EZR: variants seen among roughly 807,000 people sequenced by gnomAD.
EZR encodes the protein cytovillin 2.
EZR carries 40 observed loss-of-function variants against 74.8 expected under a neutral mutation model. The ratio of observed to expected loss-of-function variants is 0.53; its 90% CI spans 0.42 to 0.70. The LOEUF is 0.70. Ranked by LOEUF, EZR falls within the 30% of genes least tolerant of loss-of-function variation. EZR has a pLI of 0.00. For synonymous variants in EZR, 341 were observed against 283.3 expected (o/e 1.20, Z -2.05); for missense variants, 678 against 755.8 (o/e 0.90, Z 1.21).
chr6:158,797,096 C>A (rs914207324), intron 2 of EZR, among the ~76,000 whole-genome samples: 1 of 152,092 alleles, frequency 6.6e-6, no homozygotes, highest in Admixed American at 6.6e-5. Context: ...GGGAAGCATC[C>A]ATTTCCTCTG....
At chr6:158,792,963 T>A (rs1289968441) in intron 2 of EZR, among the ~76,000 whole-genome samples, 2 of 152,090 alleles carry the variant, frequency 1.3e-5, no homozygotes. Context: ...TTTTTACCTA[T>A]GCTCCAACAC....
At chr6:158,784,809 A>G in intron 5 of EZR, 82 bp from the exon 6 acceptor site, 1 of 1,117,476 alleles carries the variant, frequency 8.9e-7, no homozygotes, top group Non-Finnish European at 1.4e-6. Flanking sequence ...ACCCACATTC[A>G]AACCCTTACT....
At chr6:158,789,969 C>A (rs1249610897) in intron 2 of EZR, among the ~76,000 whole-genome samples, 4 of 152,092 alleles carry the variant, frequency 2.6e-5, no homozygotes, top group African/African-American at 9.7e-5. Flanking sequence ...CCTATTTTTC[C>A]ATGCACCATC....
chr6:158,802,370 C>G (rs765371447), intron 2 of EZR, among the ~76,000 whole-genome samples: 3 of 152,070 alleles, frequency 2.0e-5, no homozygotes, highest in Admixed American at 6.6e-5. Flanking sequence ...GCCAGCAAGT[C>G]TGGCAGAAAG....
chr6:158,771,691 G>A (rs1791117167), intron 8 of EZR, among the ~76,000 whole-genome samples: 1 of 152,184 alleles, frequency 6.6e-6, no homozygotes, highest in Non-Finnish European at 1.5e-5. Flanking sequence ...TTGTGTGTGG[G>A]TAGGGACATC....
chr6:158,814,708 A>T (rs570689609), intron 2 of EZR, among the ~76,000 whole-genome samples: 7 of 151,998 alleles, frequency 4.6e-5, no homozygotes, highest in Middle Eastern at 6.8e-3. Flanking sequence ...ACGCCCGGCT[A>T]ATTTTTGTAT....
At chr6:158,806,370 T>C (rs1010748643) in intron 2 of EZR, among the ~76,000 whole-genome samples, 1 of 152,184 alleles carries the variant, frequency 6.6e-6, no homozygotes, top group African/African-American at 2.4e-5. Context: ...AATATTCTAT[T>C]ATGGAAAGTT....
chr6:158,814,601 T>A (rs987605785), intron 2 of EZR, among the ~76,000 whole-genome samples: 1 of 149,996 alleles, frequency 6.7e-6, no homozygotes, highest in Non-Finnish European at 1.5e-5. Context: ...TGGAGTGCAG[T>A]GGTGCAATCT....
intron 8 of EZR, 131 bp from the exon 9 acceptor site, chr6:158,771,538 G>T: frequency 2.0e-6 from 2 of 1,003,870 alleles, no homozygotes. Context: ...CAGCATCTCG[G>T]CACTAGGAAT....
At chr6:158,767,664 G>GCTC in intron 12 of EZR, 152 bp from the exon 13 acceptor site, 1 of 707,318 alleles carries the variant, frequency 1.4e-6, no homozygotes, top group Non-Finnish European at 2.2e-6. Context: ...CCCTCAGGGT[G>GCTC]CATGGGGGGT....
At chr6:158,774,924 T>TG (rs1488812513) in intron 8 of EZR, among the ~76,000 whole-genome samples, 1 of 151,978 alleles carries the variant, frequency 6.6e-6, no homozygotes, top group African/African-American at 2.4e-5. Context: ...TTGCATAATA[T>TG]GAACTGCTGC....
intron 4 of EZR, 56 bp downstream of exon 4, chr6:158,787,052 C>A: frequency 7.2e-7 from 1 of 1,383,588 alleles, no homozygotes; most frequent in Non-Finnish European, 1.0e-6. Context: ...GTTTCCTTAT[C>A]GATGAAGCAG....
At position 158,801,212 on chromosome 6, in the gene EZR, T is replaced by C. The variant is rs551823310; in HGVS notation, c.13-11841A>G. Among the ~76,000 whole-genome samples, 5 of 152,306 alleles carry C rather than the reference T, an allele frequency of 3.3e-5. No individual in the cohort carries two copies. The East Asian group carries it at 9.6e-4, about 29-fold the overall frequency. ...TCACTGTAGCCTCCACCTCCCGGGT[T>C]CAAGCGATTCTCCTGCCTCAGTCTC... is the stretch of plus-strand genomic sequence containing the variant. On this transcript the variant is annotated intron_variant, in intron 2 of 13. Coordinates refer to ENST00000367075, the MANE Select transcript of EZR (RefSeq NM_001111077.2).
At chr6:158,785,253 T>A in intron 5 of EZR, 56 bp downstream of exon 5, 1 of 1,594,712 alleles carries the variant, frequency 6.3e-7, no homozygotes, top group Non-Finnish European at 8.6e-7. Flanking sequence ...CAATCACTTC[T>A]CCCTGCCGAG....
At chr6:158,768,910 C>T (rs977099457) in intron 12 of EZR, among the ~76,000 whole-genome samples, 6 of 152,170 alleles carry the variant, frequency 3.9e-5, no homozygotes, top group Admixed American at 6.5e-5. Context: ...CCATGGTGCC[C>T]GCTGTATATA....
intron 1 of EZR, 31 bp downstream of exon 1, chr6:158,819,286 C>T (rs1043007268): frequency 1.1e-4 from 17 of 153,402 alleles, no homozygotes; most frequent in African/African-American, 3.6e-4. Context: ...CCCAGAACCC[C>T]CGTCCCGACC....
intron 7 of EZR, among the ~76,000 whole-genome samples, chr6:158,780,116 G>C (rs1791390566): frequency 6.7e-6 from 1 of 150,054 alleles, no homozygotes. Flanking sequence ...CCAGGAGGCA[G>C]AGGTTACAGT....
intron 11 of EZR, 141 bp downstream of exon 11, chr6:158,769,643 C>G (rs2128564524): frequency 7.7e-7 from 1 of 1,304,314 alleles, no homozygotes; most frequent in Admixed American, 1.8e-5. Flanking sequence ...CAGCCCCTTC[C>G]CCACCAGCTG....
At chr6:158,814,545 CT>C (rs140662494) in intron 2 of EZR, among the ~76,000 whole-genome samples, 25,918 of 127,122 alleles carry the variant, frequency 0.2, 2,231 homozygotes, top group African/African-American at 0.35. Flanking sequence ...TGAATAAAGT[CT>C]TTTTTTTTTT....
Sources: allele counts gnomAD v4.1 joint callset (sites outside exome capture counted in the v4.1 genomes callset), GRCh38; gene constraint gnomAD v4.1.1; transcripts MANE v1.5; gene names NCBI Gene and HGNC (gene_info 2026-07-23, HGNC 2026-07-21).